Variants in DTD1 observed in about 807,000 individuals in gnomAD.
DTD1 encodes D-tyrosyl-tRNA deacylase 1 homolog.
DTD1 carries 13 observed loss-of-function variants against 25.6 expected under a neutral mutation model. The observed-to-expected ratio is 0.51, with a 90% CI of 0.33 to 0.81. The LOEUF (loss-of-function observed/expected upper bound fraction) is 0.81. DTD1 is among the 30% of genes least tolerant of loss of function. DTD1 has a pLI of 0.02. For synonymous variants in DTD1, 110 were observed against 103.6 expected (o/e 1.06, Z -0.37); for missense variants, 193 against 266.4 (o/e 0.72, Z 1.92).
At chr20:18,720,040 G>A (rs1259454473) in intron 4 of DTD1, among the ~76,000 whole-genome samples, 1 of 152,170 alleles carries the variant, frequency 6.6e-6, no homozygotes, top group Non-Finnish European at 1.5e-5. Context: ...CAGCCTCACT[G>A]GTATAAAAGG....
chr20:18,707,722 G>T (rs779349456), intron 4 of DTD1, among the ~76,000 whole-genome samples: 2 of 151,998 alleles, frequency 1.3e-5, no homozygotes, highest in Non-Finnish European at 2.9e-5. Flanking sequence ...GGGCTTTGCC[G>T]CAGAAACTCT....
chr20:18,651,430 C>T (rs535111915), intron 4 of DTD1, among the ~76,000 whole-genome samples: 3 of 152,224 alleles, frequency 2.0e-5, no homozygotes, highest in Non-Finnish European at 2.9e-5. Context: ...GGATTATAGG[C>T]GTGAGCCACC....
chr20:18,615,364 C>T (rs1173460603), intron 3 of DTD1, among the ~76,000 whole-genome samples: 1 of 152,148 alleles, frequency 6.6e-6, no homozygotes, highest in Non-Finnish European at 1.5e-5. Flanking sequence ...ATATTTTCCC[C>T]TCTACTGAGA....
intron 5 of DTD1, among the ~76,000 whole-genome samples, chr20:18,761,318 A>G (rs984703063): frequency 3.9e-5 from 6 of 152,036 alleles, no homozygotes; most frequent in African/African-American, 1.2e-4. Flanking sequence ...CGTGGCTCAC[A>G]CTGGGAGGTG....
chr20:18,677,399 T>G (rs2060980621), intron 4 of DTD1, among the ~76,000 whole-genome samples: 1 of 152,194 alleles, frequency 6.6e-6, no homozygotes. Flanking sequence ...CTAGTTTATG[T>G]TGCTGAATTT....
intron 4 of DTD1, among the ~76,000 whole-genome samples, chr20:18,629,549 G>C (rs2060774961): frequency 6.6e-6 from 1 of 150,782 alleles, no homozygotes; most frequent in Admixed American, 6.6e-5. Flanking sequence ...ATCCACCTAG[G>C]GCCTCAGCCT....
intron 4 of DTD1, among the ~76,000 whole-genome samples, chr20:18,730,560 T>C (rs570563446): frequency 2.6e-5 from 4 of 152,332 alleles, no homozygotes; most frequent in South Asian, 4.1e-4. Context: ...GAAGTTGAGC[T>C]CTTCTTTTCC....
chr20:18,739,968 T>G (rs1413951025), intron 4 of DTD1, among the ~76,000 whole-genome samples: 1 of 152,154 alleles, frequency 6.6e-6, no homozygotes, highest in Non-Finnish European at 1.5e-5. Context: ...AAATGTGGGC[T>G]GTGCCTGTCA....
chr20:18,669,319 A>G (rs777454870), intron 4 of DTD1, among the ~76,000 whole-genome samples: 3 of 152,162 alleles, frequency 2.0e-5, no homozygotes, highest in African/African-American at 4.8e-5. Context: ...ATGCTGCCTG[A>G]TGCCCTCTCC....
At position 18,628,197 on chromosome 20, in the gene DTD1, G is replaced by A. The variant is rs749370547; in HGVS notation, c.441G>A (p.Ser147=). 13 of 1,613,752 alleles carry A rather than the reference G, an allele frequency of 8.1e-6. No homozygotes were observed. In the Admixed American group the frequency reaches 8.3e-5, roughly 10 times the overall value. The change falls in exon 4 of 6, where the codon TCG becomes TCA. Residue 147 remains serine, a synonymous_variant. Coordinates refer to ENST00000377452, the MANE Select transcript of DTD1 (RefSeq NM_080820.6). ...GGCCTGTGACCATAGAGCTGGAATC[G>A]CCAGCTCCCGGCACTGCTACCTCTG... The part of the protein sequence containing the change: ...NDGPVTIELE[S]PAPGTATSDP...
chr20:18,668,392 A>G (rs1336566020), intron 4 of DTD1, among the ~76,000 whole-genome samples: 1 of 152,194 alleles, frequency 6.6e-6, no homozygotes, highest in Non-Finnish European at 1.5e-5. Flanking sequence ...AACAGCTCTA[A>G]AAAGGAGCAG....
intron 4 of DTD1, among the ~76,000 whole-genome samples, chr20:18,704,259 C>G (rs1314299845): frequency 6.6e-6 from 1 of 152,124 alleles, no homozygotes; most frequent in African/African-American, 2.4e-5. Flanking sequence ...CTCGGCCTCC[C>G]AAAGTGCTGG....
chr20:18,594,045 CCT>C lies in DTD1; in HGVS notation c.134+225_134+226del, dbSNP rs781684071. Among the ~76,000 whole-genome samples, 6 of 152,186 alleles carry C rather than the reference CCT, an allele frequency of 3.9e-5. No individual in the cohort carries two copies. The East Asian group carries it at 9.6e-4, about 24-fold the overall frequency. On this transcript the variant is annotated intron_variant, in intron 2 of 5. Coordinates refer to ENST00000377452, the MANE Select transcript of DTD1 (RefSeq NM_080820.6). ...CTTTGAGCAGGAGCACCGCCTGTCC[CCT>C]GTCTGTTTGCTACTGTGGCCTCAGA...
At chr20:18,751,082 T>TGG (rs2061319629) in intron 5 of DTD1, among the ~76,000 whole-genome samples, 1 of 151,924 alleles carries the variant, frequency 6.6e-6, no homozygotes, top group Non-Finnish European at 1.5e-5. Context: ...TGTGTGTGTG[T>TGG]GTGGGTGTGT....
Position 18,692,820 on chromosome 20 carries a change from A to G in DTD1, c.478-51280A>G, listed in dbSNP as rs1788083614. 2.6e-5 allele frequency among the ~76,000 whole-genome samples: 4 copies of G among 151,972 alleles called. No homozygotes were observed. In the South Asian group the frequency reaches 8.3e-4, roughly 31 times the overall value. On this transcript the variant is annotated intron_variant, in intron 4 of 5. Coordinates refer to ENST00000377452, the MANE Select transcript of DTD1 (RefSeq NM_080820.6). Reference sequence around the variant, plus strand: ...TTAATCAGCACTCTTATTAAAATACATCAGTTATCTTTTATTTTGCTATAT... The same window carrying G: ...TTAATCAGCACTCTTATTAAAATACGTCAGTTATCTTTTATTTTGCTATAT...
chr20:18,766,090 G>A lies in DTD1; in HGVS notation c.*2750G>A, dbSNP rs1483740834. 6.6e-6 allele frequency: 1 copy of A among 152,252 alleles called. No homozygotes were observed. Among genetic ancestry groups the A allele is most frequent in the African/African-American group, 2.4e-5 (1 of 41,466 alleles). 9.4% of individuals were successfully genotyped at this position (152,252 alleles called of 1,614,324 possible). On this transcript the variant is annotated 3_prime_UTR_variant, in exon 6 of 6. Transcript: ENST00000377452. ...CTGGATGTCCATAGCAGCACCTCAT[G>A]GTTAGTGGTCCCAGGGAGGGCATTT...
At chr20:18,724,373 G>T (rs564672621) in intron 4 of DTD1, among the ~76,000 whole-genome samples, 17 of 152,180 alleles carry the variant, frequency 1.1e-4, no homozygotes, top group Non-Finnish European at 2.5e-4. Flanking sequence ...TGTATTTTGT[G>T]TGTGACTTGG....
At chr20:18,702,484 T>C (rs376935286) in intron 4 of DTD1, among the ~76,000 whole-genome samples, 99 of 152,324 alleles carry the variant, frequency 6.5e-4, no homozygotes, top group Middle Eastern at 6.8e-3. Flanking sequence ...CTAGATTAGA[T>C]GCAGGCTAGA....
intron 1 of DTD1, among the ~76,000 whole-genome samples, chr20:18,590,891 C>T (rs2060586836): frequency 6.6e-6 from 1 of 152,192 alleles, no homozygotes; most frequent in Admixed American, 6.5e-5. Context: ...CCCCATGTCC[C>T]ATCATTCATT....
Sources: allele counts gnomAD v4.1 joint callset (sites outside exome capture counted in the v4.1 genomes callset), GRCh38; gene constraint gnomAD v4.1.1; transcripts MANE v1.5; gene names NCBI Gene and HGNC (gene_info 2026-07-23, HGNC 2026-07-21).